The following DGLUCY variants were observed in gnomAD, a reference collection of about 807,000 sequenced individuals.
DGLUCY encodes D-glutamate cyclase.
A neutral mutation model predicts 58.5 loss-of-function variants in DGLUCY; 58 were observed. The observed-to-expected ratio is 0.99, with a 90% CI of 0.80 to 1.23. DGLUCY has a LOEUF of 1.23. Ranked by LOEUF, DGLUCY falls within the 50% of genes most tolerant of loss-of-function variation. The probability of loss-of-function intolerance (pLI) is 0.00; values close to 1 mark genes in which losing one functional copy is unlikely to be tolerated. For synonymous variants in DGLUCY, 325 were observed against 314.1 expected (o/e 1.03, Z -0.37); for missense variants, 779 against 784.7 (o/e 0.99, Z 0.09).
chr14:91,129,148 C>CTTTT (rs2045889714), intron 1 of DGLUCY, among the ~76,000 whole-genome samples: 1 of 152,080 alleles, frequency 6.6e-6, no homozygotes, highest in Middle Eastern at 3.2e-3. Flanking sequence ...TTTATCTTTT[C>CTTTT]TTTTAAATTT....
chr14:91,076,240 A>G (rs1410364825), intron 1 of DGLUCY, among the ~76,000 whole-genome samples: 1 of 152,180 alleles, frequency 6.6e-6, no homozygotes. Context: ...CAGGATCCCC[A>G]AGGATACTAA....
intron 1 of DGLUCY, among the ~76,000 whole-genome samples, chr14:91,094,134 A>C (rs939041278): frequency 6.6e-6 from 1 of 152,044 alleles, no homozygotes; most frequent in African/African-American, 2.4e-5. Context: ...TTTACAACAA[A>C]AGTCAAAAAG....
chr14:91,111,337 G>A (rs2044698489), upstream of DGLUCY, among the ~76,000 whole-genome samples: 1 of 150,834 alleles, frequency 6.6e-6, no homozygotes. Flanking sequence ...CTGGAGTGCA[G>A]TGGCACCATC....
chr14:91,119,521 A>AT (rs1047139246), intron 1 of DGLUCY, among the ~76,000 whole-genome samples: 11 of 151,564 alleles, frequency 7.3e-5, no homozygotes, highest in Non-Finnish European at 1.2e-4. Context: ...TTTGCTAGAC[A>AT]TTTTTTTTCC....
chr14:91,205,139 G>A (rs1224692094), intron 12 of DGLUCY, among the ~76,000 whole-genome samples: 1 of 152,200 alleles, frequency 6.6e-6, no homozygotes, highest in Non-Finnish European at 1.5e-5. Context: ...AGAGTAATAA[G>A]AGCTTTGGGG....
intron 12 of DGLUCY, among the ~76,000 whole-genome samples, chr14:91,206,247 CTG>C (rs1884682545): frequency 6.6e-6 from 1 of 152,090 alleles, no homozygotes; most frequent in East Asian, 1.9e-4. Flanking sequence ...GAGGACAAAA[CTG>C]AGAAGCAGTA....
At chr14:91,164,976 G>A (rs1041540172) in intron 3 of DGLUCY, among the ~76,000 whole-genome samples, 5 of 152,220 alleles carry the variant, frequency 3.3e-5, no homozygotes, top group African/African-American at 1.2e-4. Context: ...CCGTCTGGGA[G>A]TCAGGGACTA....
chr14:91,224,882 A>G lies in DGLUCY; in HGVS notation c.*49A>G. 1 of 1,524,904 alleles carries G rather than the reference A, an allele frequency of 6.6e-7. No homozygotes were observed. The highest frequency in any genetic ancestry group is 2.4e-5 in the East Asian group (1 of 41,554). The allele number at this position is 1,524,904 out of a possible 1,614,324, so 94.5% of individuals were successfully genotyped here. A position where few individuals can be genotyped will look rare whatever the true frequency, so the allele number is the denominator to read the frequency against. On this transcript the variant is annotated 3_prime_UTR_variant, in exon 14 of 14. Coordinates refer to ENST00000256324, the MANE Select transcript of DGLUCY (RefSeq NM_001102368.3). ...AGTCCCTACCAACGGGCAGGTCTGC[A>G]TCCGGGGAGAATGCAGCTGCTTCTG...
chr14:91,088,683 G>T (rs2044261077), intron 1 of DGLUCY, among the ~76,000 whole-genome samples: 1 of 152,230 alleles, frequency 6.6e-6, no homozygotes, highest in Admixed American at 6.5e-5. Flanking sequence ...CTAAGCAGGG[G>T]TTGCTGCAGG....
At chr14:91,093,084 A>AT (rs1424959883) in intron 1 of DGLUCY, among the ~76,000 whole-genome samples, 1 of 140,690 alleles carries the variant, frequency 7.1e-6, no homozygotes. Flanking sequence ...ACTCAGTCTC[A>AT]AAAAAAAAAA....
At chr14:91,176,960 C>A (rs2048891262) in intron 7 of DGLUCY, among the ~76,000 whole-genome samples, 1 of 141,020 alleles carries the variant, frequency 7.1e-6, no homozygotes. Context: ...TTTCTTCTTT[C>A]TCTCTCTCTC....
At chr14:91,142,813 CACACACACA>C (rs1258814814) in intron 1 of DGLUCY, among the ~76,000 whole-genome samples, 10 of 2,786 alleles carry the variant, frequency 3.6e-3, no homozygotes, top group South Asian at 0.038. Context: ...AACACACACA[CACACACACA>C]ACACACCATC....
At chr14:91,131,622 C>G (rs569937851) in intron 1 of DGLUCY, among the ~76,000 whole-genome samples, 3 of 152,120 alleles carry the variant, frequency 2.0e-5, no homozygotes, top group African/African-American at 2.4e-5. Flanking sequence ...CCTCTTCCCC[C>G]ACCCCACCAC....
At chr14:91,115,624 A>T (rs1391597895) in intron 1 of DGLUCY, among the ~76,000 whole-genome samples, 3 of 152,126 alleles carry the variant, frequency 2.0e-5, no homozygotes. Context: ...GGGTTTTGCC[A>T]TGTTAGCCAG....
intron 13 of DGLUCY, among the ~76,000 whole-genome samples, chr14:91,217,263 C>G (rs1886678293): frequency 6.6e-6 from 1 of 152,130 alleles, no homozygotes; most frequent in Non-Finnish European, 1.5e-5. Context: ...CAGACAGCAG[C>G]CTGAGGGATT....
At chr14:91,165,290 G>A (rs548590990) in intron 3 of DGLUCY, 26 of 456,086 alleles carry the variant, frequency 5.7e-5, no homozygotes, top group Middle Eastern at 3.3e-4. Flanking sequence ...CCTGAACACC[G>A]AGGTGCTCAA....
At chr14:91,161,111 G>A (rs929981773) in intron 3 of DGLUCY, among the ~76,000 whole-genome samples, 3 of 152,224 alleles carry the variant, frequency 2.0e-5, no homozygotes, top group African/African-American at 7.2e-5. Context: ...TGTCGCCCAG[G>A]CTGGAGTGCA....
upstream of DGLUCY, among the ~76,000 whole-genome samples, chr14:91,110,179 A>G (rs1246870852): frequency 1.3e-5 from 2 of 152,208 alleles, no homozygotes; most frequent in Admixed American, 1.3e-4. Flanking sequence ...TGAATATTGT[A>G]ATATTTCTCT....
upstream of DGLUCY, among the ~76,000 whole-genome samples, chr14:91,104,252 C>T (rs1430586954): frequency 6.6e-6 from 1 of 151,322 alleles, no homozygotes; most frequent in Non-Finnish European, 1.5e-5. Context: ...TTAGTAGAGA[C>T]GGGGTTTCAC....
Sources: allele counts gnomAD v4.1 joint callset (sites outside exome capture counted in the v4.1 genomes callset), GRCh38; gene constraint gnomAD v4.1.1; transcripts MANE v1.5; gene names NCBI Gene and HGNC (gene_info 2026-07-23, HGNC 2026-07-21).